LRP1B: variants seen among roughly 807,000 people sequenced by gnomAD.
LRP1B encodes the protein LDL receptor related protein 1B.
LRP1B carries 217 observed loss-of-function variants against 556.6 expected under a neutral mutation model. The ratio of observed to expected loss-of-function variants is 0.39; its 90% CI spans 0.35 to 0.44. The LOEUF (loss-of-function observed/expected upper bound fraction) is 0.44. Among genes scored for constraint, LRP1B ranks in the 20% least tolerant of loss-of-function variants. The probability of loss-of-function intolerance (pLI) is 1.00; values close to 1 mark genes in which losing one functional copy is unlikely to be tolerated. For synonymous variants in LRP1B, 2,047 were observed against 1,865.8 expected (o/e 1.10, Z -2.50); for missense variants, 5,053 against 5,620.8 (o/e 0.90, Z 3.23).
chr2:142,101,692 A>C (rs1021238564), intron 1 of LRP1B, among the ~76,000 whole-genome samples: 1 of 152,122 alleles, frequency 6.6e-6, no homozygotes, highest in Non-Finnish European at 1.5e-5. Flanking sequence ...ATCAGGCTCA[A>C]ACTTTGAAAG....
At position 140,929,363 on chromosome 2, in the gene LRP1B, G is replaced by T. The variant is rs73964751; in HGVS notation, c.3137-6216C>A. On this transcript the variant is annotated intron_variant, in intron 20 of 90. Coordinates refer to ENST00000389484, the MANE Select transcript of LRP1B (RefSeq NM_018557.3). ...ACAGAAAATTAATCAGAGTGTTCTG[G>T]GTCAGAATTAAGAGTCAGGCAGAGG... Among the ~76,000 whole-genome samples, 700 of 152,066 alleles carry T rather than the reference G, an allele frequency of 4.6e-3. 5 individuals carry two copies. Among genetic ancestry groups the T allele is most frequent in the African/African-American group, 0.015 (636 of 41,476 alleles).
chr2:141,470,615 G>A (rs917704348), intron 3 of LRP1B, among the ~76,000 whole-genome samples: 6 of 152,092 alleles, frequency 3.9e-5, no homozygotes, highest in Non-Finnish European at 5.9e-5. Flanking sequence ...AGGGTTTAAC[G>A]CTTGCTTTCC....
At chr2:140,810,201 A>G (rs1690869887) in intron 32 of LRP1B, among the ~76,000 whole-genome samples, 1 of 115,830 alleles carries the variant, frequency 8.6e-6, no homozygotes, top group African/African-American at 2.7e-5. Flanking sequence ...GTGTTCAAAG[A>G]GATTTTTTTT....
At chr2:140,324,629 A>G (rs115080470) in intron 80 of LRP1B, among the ~76,000 whole-genome samples, 2 of 152,090 alleles carry the variant, frequency 1.3e-5, no homozygotes, top group South Asian at 4.1e-4. Context: ...TAAAAATAAT[A>G]GTAACCATTA....
intron 2 of LRP1B, among the ~76,000 whole-genome samples, chr2:141,711,023 T>C (rs1370327): frequency 0.54 from 81,755 of 152,010 alleles, 22,343 homozygotes; most frequent in East Asian, 0.8. Flanking sequence ...CCTTGTTAAT[T>C]CCATTGCTTC....
intron 2 of LRP1B, among the ~76,000 whole-genome samples, chr2:141,528,767 T>C (rs1046270594): frequency 3.9e-5 from 6 of 152,128 alleles, no homozygotes; most frequent in Non-Finnish European, 7.4e-5. Context: ...CTGGTTGAGC[T>C]ACTGCTGAAG....
At chr2:140,743,394 G>C (rs1688204416) in intron 35 of LRP1B, among the ~76,000 whole-genome samples, 1 of 152,112 alleles carries the variant, frequency 6.6e-6, no homozygotes, top group African/African-American at 2.4e-5. Flanking sequence ...GAAAAACAGA[G>C]AGATTGGAAA....
chr2:141,229,033 T>C (rs1683360570), intron 6 of LRP1B, 150 bp downstream of exon 6: 9 of 730,284 alleles, frequency 1.2e-5, no homozygotes, highest in Admixed American at 2.8e-5. Context: ...ATGCAAAACA[T>C]GTAGTGAATA....
chr2:140,541,662 AAAT>A (rs1398204550), intron 44 of LRP1B, 114 bp downstream of exon 44: 3 of 851,630 alleles, frequency 3.5e-6, no homozygotes, highest in African/African-American at 1.7e-5. Flanking sequence ...TAGTAACAAA[AAAT>A]AATATTTTTT....
Position 141,407,913 on chromosome 2 carries a change from T to C in LRP1B, c.343+72483A>G, listed in dbSNP as rs372830962. Among the ~76,000 whole-genome samples the C allele has an allele frequency of 1.5e-3, 221 of 152,254 alleles. 5 individuals are homozygous for C. In the South Asian group the frequency reaches 0.041, roughly 28 times the overall value. Reference sequence around the variant, plus strand: ...AAATTCAGAAAGCCACCTTCATTATTGAAAGCATATCACAGGAAAGTTTCT... The same window carrying C: ...AAATTCAGAAAGCCACCTTCATTATCGAAAGCATATCACAGGAAAGTTTCT... On this transcript the variant is annotated intron_variant, in intron 3 of 90. Coordinates refer to ENST00000389484, the MANE Select transcript of LRP1B (RefSeq NM_018557.3).
chr2:141,300,651 T>C (rs750869074), intron 3 of LRP1B, among the ~76,000 whole-genome samples: 1 of 152,122 alleles, frequency 6.6e-6, no homozygotes, highest in East Asian at 1.9e-4. Flanking sequence ...GAGATTTGCT[T>C]GTTTCAGAGT....
At chr2:140,594,053 C>T (rs1220996387) in intron 43 of LRP1B, among the ~76,000 whole-genome samples, 1 of 151,918 alleles carries the variant, frequency 6.6e-6, no homozygotes, top group Non-Finnish European at 1.5e-5. Context: ...TGTCGGCTTA[C>T]TGCAACCTCC....
intron 89 of LRP1B, among the ~76,000 whole-genome samples, chr2:140,237,040 TTCTAGCTATTTTTAAATA>T (rs1032615493): frequency 6.6e-6 from 1 of 150,924 alleles, no homozygotes; most frequent in African/African-American, 2.4e-5. Flanking sequence ...AAAAATCCTT[TTCTAGCTATTTTTAAATA>T]TACAATACAA....
intron 1 of LRP1B, among the ~76,000 whole-genome samples, chr2:141,893,004 T>C (rs1400543956): frequency 6.6e-6 from 1 of 152,174 alleles, no homozygotes; most frequent in Non-Finnish European, 1.5e-5. Flanking sequence ...TTTATATTTT[T>C]TTCTTAATTT....
intron 3 of LRP1B, among the ~76,000 whole-genome samples, chr2:141,310,785 A>C (rs997093342): frequency 5.3e-5 from 8 of 152,222 alleles, no homozygotes; most frequent in African/African-American, 1.9e-4. Flanking sequence ...CGTGAAATAC[A>C]TTGATGCCCA....
chr2:141,632,687 T>C (rs1330850618), intron 2 of LRP1B, among the ~76,000 whole-genome samples: 1 of 151,986 alleles, frequency 6.6e-6, no homozygotes, highest in Non-Finnish European at 1.5e-5. Context: ...TAATACCAAA[T>C]GGGGTTGGCA....
intron 77 of LRP1B, among the ~76,000 whole-genome samples, chr2:140,348,826 T>C (rs1401121): frequency 0.31 from 46,499 of 151,946 alleles, 8,028 homozygotes; most frequent in Non-Finnish European, 0.4. Flanking sequence ...TTGAGTGAAT[T>C]TGGCTTCTAA....
At chr2:142,095,653 G>A (rs527603921) in intron 1 of LRP1B, among the ~76,000 whole-genome samples, 1 of 151,584 alleles carries the variant, frequency 6.6e-6, no homozygotes, top group South Asian at 2.1e-4. Flanking sequence ...AGTTTATTCA[G>A]GTCCCAAATT....
chr2:141,240,740 T>A (rs1024888623), intron 5 of LRP1B, among the ~76,000 whole-genome samples: 1 of 152,096 alleles, frequency 6.6e-6, no homozygotes, highest in African/African-American at 2.4e-5. Flanking sequence ...AAGCAAAGTT[T>A]ATTGACTGTC....
Sources: allele counts gnomAD v4.1 joint callset (sites outside exome capture counted in the v4.1 genomes callset), GRCh38; gene constraint gnomAD v4.1.1; transcripts MANE v1.5; gene names NCBI Gene and HGNC (gene_info 2026-07-23, HGNC 2026-07-21).